The following PDXDC1 variants were observed in gnomAD, a reference collection of about 807,000 sequenced individuals.
PDXDC1 encodes pyridoxal dependent decarboxylase domain containing 1.
Under a neutral mutation model 100.1 loss-of-function variants are expected in PDXDC1, and 42 were observed. That is an observed-to-expected ratio of 0.42 (90% CI 0.33 to 0.54). PDXDC1 has a LOEUF of 0.54. PDXDC1 is among the 20% of genes least tolerant of loss of function. PDXDC1 has a pLI of 0.10. For synonymous variants in PDXDC1, 260 were observed against 371.7 expected, an observed-to-expected ratio of 0.70 and a Z score of 3.46; for missense variants, 636 against 979.2, an observed-to-expected ratio of 0.65 and a Z score of 4.68.
chr16:15,074,330 T>C (rs1220305420), intron 16 of PDXDC1, among the ~76,000 whole-genome samples: 7 of 152,184 alleles, frequency 4.6e-5, no homozygotes, highest in Non-Finnish European at 7.3e-5. Context: ...GCACATATAG[T>C]ACTAACACTG....
chr16:15,092,527 G>C (rs774073684), intron 16 of PDXDC1: 3 of 1,612,168 alleles, frequency 1.9e-6, no homozygotes, highest in South Asian at 1.1e-5. Flanking sequence ...ACTTCAGCAA[G>C]ACTTCTGTCA....
intron 12 of PDXDC1, among the ~76,000 whole-genome samples, chr16:15,020,111 CAAAAAAAAAAAAA>C (rs56353637): frequency 5.5e-5 from 5 of 90,616 alleles, no homozygotes; most frequent in African/African-American, 1.1e-4. Context: ...GGCTCCGTCT[CAAAAAAAAAAAAA>C]AAAAAAAAAA....
chr16:15,054,327 T>C (rs930485899), intron 16 of PDXDC1, among the ~76,000 whole-genome samples: 3 of 152,170 alleles, frequency 2.0e-5, no homozygotes, highest in Non-Finnish European at 2.9e-5. Flanking sequence ...GGCCAAAACC[T>C]TCCTTCGAGA....
At position 15,135,110 on chromosome 16, in the gene PDXDC1, G is replaced by C. The variant is rs1380450779; in HGVS notation, c.1400-3769G>C. On this transcript the variant is annotated intron_variant, in intron 16 of 16. Transcript: ENST00000535621. ...AAGACTGTATGTGGAACTGTGGCAGGTTTGGAAGGAAGCAAAGCTGAAGCA... is the reference window on the plus strand; with the variant it reads ...AAGACTGTATGTGGAACTGTGGCAGCTTTGGAAGGAAGCAAAGCTGAAGCA... 82 of 636,714 alleles carry C rather than the reference G, an allele frequency of 1.3e-4. 1 individual carries two copies. The highest frequency in any genetic ancestry group is 2.1e-4 in the Non-Finnish European group (74 of 347,474). 39.4% of individuals were successfully genotyped at this position (636,714 alleles called of 1,614,324 possible).
intron 22 of PDXDC1, 38 bp from the exon 23 acceptor site, chr16:15,035,978 C>G: frequency 6.3e-7 from 1 of 1,575,354 alleles, no homozygotes; most frequent in Non-Finnish European, 8.6e-7. Context: ...GAAGTATCCT[C>G]ACTGAGTTTC....
downstream of PDXDC1, among the ~76,000 whole-genome samples, chr16:15,143,789 G>A (rs1387942418): frequency 1.3e-5 from 2 of 152,350 alleles, no homozygotes; most frequent in East Asian, 1.9e-4. Flanking sequence ...ACCTGCCTCA[G>A]AGCCTCACAC....
intron 8 of PDXDC1, 191 bp from the exon 9 acceptor site, chr16:15,015,938 T>A (rs1271550682): frequency 8.0e-7 from 1 of 1,253,390 alleles, no homozygotes; most frequent in Non-Finnish European, 1.1e-6. Flanking sequence ...AGAGATTACA[T>A]ACTCTTCAAA....
At chr16:15,077,199 G>C (rs1361707293) in intron 16 of PDXDC1, among the ~76,000 whole-genome samples, 1 of 151,612 alleles carries the variant, frequency 6.6e-6, no homozygotes, top group African/African-American at 2.4e-5. Context: ...GGCTGGTCTC[G>C]AACTCCTGAC....
At chr16:15,033,606 A>AG (rs1454786229) in intron 19 of PDXDC1, among the ~76,000 whole-genome samples, 1 of 152,230 alleles carries the variant, frequency 6.6e-6, no homozygotes, top group Non-Finnish European at 1.5e-5. Context: ...TCACAAGCTC[A>AG]GGGGGAAAGA....
intron 16 of PDXDC1, chr16:15,135,836 C>T (rs1396521460): frequency 4.9e-5 from 73 of 1,482,726 alleles, no homozygotes; most frequent in South Asian, 1.3e-4. Flanking sequence ...CTGGATGCTC[C>T]GTGCCAGTGG....
At chr16:15,109,973 G>A (rs1312487046) in intron 16 of PDXDC1, among the ~76,000 whole-genome samples, 14 of 145,928 alleles carry the variant, frequency 9.6e-5, no homozygotes, top group African/African-American at 3.4e-4. Context: ...GGACAACATG[G>A]TGAAACCCCA....
intron 16 of PDXDC1, among the ~76,000 whole-genome samples, chr16:15,071,539 G>A (rs377104184): frequency 8.9e-4 from 136 of 152,248 alleles, no homozygotes; most frequent in African/African-American, 3.0e-3. Flanking sequence ...AGGCCGAGGC[G>A]GGTGGATCAC....
At chr16:15,102,768 T>C (rs1173763176) in intron 16 of PDXDC1, among the ~76,000 whole-genome samples, 1 of 146,020 alleles carries the variant, frequency 6.8e-6, no homozygotes, top group Non-Finnish European at 1.5e-5. Context: ...CTAGGCAACA[T>C]AGTGAGACCC....
intron 16 of PDXDC1, among the ~76,000 whole-genome samples, chr16:15,100,548 T>G (rs1315012280): frequency 6.6e-6 from 1 of 152,178 alleles, no homozygotes; most frequent in African/African-American, 2.4e-5. Context: ...AACTGTGGGA[T>G]GTTCAGCAGC....
chr16:15,078,585 C>G (rs2045560906), intron 16 of PDXDC1, among the ~76,000 whole-genome samples: 1 of 152,182 alleles, frequency 6.6e-6, no homozygotes. Flanking sequence ...GACCAAACTC[C>G]TCCTTCCGGC....
intron 16 of PDXDC1, among the ~76,000 whole-genome samples, chr16:15,058,275 T>C (rs565582094): frequency 3.3e-5 from 5 of 150,184 alleles, no homozygotes; most frequent in Non-Finnish European, 5.9e-5. Context: ...GCCTGGGTGA[T>C]TACAGCAAGA....
intron 19 of PDXDC1, among the ~76,000 whole-genome samples, chr16:15,033,777 C>T (rs989501772): frequency 6.6e-6 from 1 of 152,148 alleles, no homozygotes; most frequent in African/African-American, 2.4e-5. Context: ...ATGTGTGGTT[C>T]CCCCTACACC....
At chr16:15,023,936 C>G (rs1476772780) in intron 13 of PDXDC1, among the ~76,000 whole-genome samples, 1 of 152,288 alleles carries the variant, frequency 6.6e-6, no homozygotes, top group Non-Finnish European at 1.5e-5. Context: ...TGATTGCAAA[C>G]AGAGAAGCAA....
chr16:15,084,791 C>G lies in PDXDC1; in HGVS notation c.1400-54088C>G, dbSNP rs1364047149. ...AAGCTAAAAATAAATGCTGGCTGGG[C>G]ACAGTGGCTCACGCCTGTAATCCCA... On this transcript the variant is annotated intron_variant, in intron 16 of 16. Transcript: ENST00000535621. 16 of 907,048 alleles carry G rather than the reference C, an allele frequency of 1.8e-5. No homozygotes were observed. The Admixed American group carries it at 3.0e-4, about 17-fold the overall frequency. 56.2% of individuals were successfully genotyped at this position (907,048 alleles called of 1,614,324 possible).
Sources: gnomAD v4.1 joint callset for allele counts (sites outside exome capture counted in the v4.1 genomes callset) on GRCh38, gnomAD v4.1.1 for gene constraint, MANE v1.5 for transcripts, NCBI Gene and HGNC (gene_info 2026-07-23, HGNC 2026-07-21) for gene names.